ALK: variants seen among roughly 807,000 people sequenced by gnomAD.
The protein encoded by ALK is ALK tyrosine kinase receptor.
A neutral mutation model predicts 163.1 loss-of-function variants in ALK; 74 were observed. The ratio of observed to expected loss-of-function variants is 0.45; its 90% CI spans 0.38 to 0.55. The LOEUF is 0.55. Among genes scored for constraint, ALK ranks in the 20% least tolerant of loss-of-function variants. ALK has a pLI of 0.00. For missense variants in ALK, 2,063 were observed against 2,105.3 expected (o/e 0.98, Z 0.39); for synonymous variants, 960 against 843.2 (o/e 1.14, Z -2.40).
intron 1 of ALK, among the ~76,000 whole-genome samples, chr2:29,818,399 G>A (rs1247713601): frequency 6.6e-6 from 1 of 152,170 alleles, no homozygotes; most frequent in East Asian, 1.9e-4. Context: ...CGCTCTCTGG[G>A]CAGGCCAAAT....
chr2:29,281,225 C>T (rs1665710584), intron 9 of ALK, among the ~76,000 whole-genome samples: 1 of 152,174 alleles, frequency 6.6e-6, no homozygotes, highest in Non-Finnish European at 1.5e-5. Flanking sequence ...GCCAAGACTG[C>T]GAGGGACAGG....
chr2:29,315,881 G>A (rs751462689), intron 8 of ALK, among the ~76,000 whole-genome samples: 4 of 152,154 alleles, frequency 2.6e-5, no homozygotes, highest in Non-Finnish European at 2.9e-5. Context: ...ATCAGCCTCA[G>A]GGCTCAGCTG....
chr2:29,624,516 A>C (rs1676136528), intron 3 of ALK, among the ~76,000 whole-genome samples: 1 of 152,154 alleles, frequency 6.6e-6, no homozygotes, highest in Non-Finnish European at 1.5e-5. Context: ...AGCTGTTCCA[A>C]TGGAGCAAGG....
At chr2:29,560,645 C>T (rs1003628831) in intron 3 of ALK, among the ~76,000 whole-genome samples, 5 of 151,722 alleles carry the variant, frequency 3.3e-5, no homozygotes, top group African/African-American at 4.9e-5. Context: ...AATTTCGGCT[C>T]ACTGCAGCCT....
chr2:29,778,165 T>C (rs568681710), intron 1 of ALK, among the ~76,000 whole-genome samples: 21 of 152,316 alleles, frequency 1.4e-4, no homozygotes, highest in African/African-American at 4.8e-4. Flanking sequence ...TAAAATCATT[T>C]GCATTCACAG....
At chr2:29,396,836 G>GTTTTTTTTTGTTTTTTTT (rs1669319241) in intron 4 of ALK, among the ~76,000 whole-genome samples, 1 of 46,604 alleles carries the variant, frequency 2.1e-5, no homozygotes, top group Non-Finnish European at 3.5e-5. Flanking sequence ...TGTTACTATG[G>GTTTTTTTTTGTTTTTTTT]TTTTTTTTTT....
At chr2:29,453,396 A>AT (rs949487239) in intron 4 of ALK, among the ~76,000 whole-genome samples, 1,608 of 148,262 alleles carry the variant, frequency 0.011, 28 homozygotes, top group African/African-American at 0.033. Context: ...ATGCCTGGCA[A>AT]TTTTTTTTTT....
At chr2:29,509,771 G>A (rs1431126174) in intron 4 of ALK, among the ~76,000 whole-genome samples, 2 of 152,166 alleles carry the variant, frequency 1.3e-5, no homozygotes, top group Non-Finnish European at 2.9e-5. Flanking sequence ...CAATTATAGT[G>A]CAGACTTTGG....
chr2:29,499,143 C>G lies in ALK; in HGVS notation c.1154+32772G>C, dbSNP rs545376757. On this transcript the variant is annotated intron_variant, in intron 4 of 28. Coordinates refer to ENST00000389048, the MANE Select transcript of ALK (RefSeq NM_004304.5). ...TTCCCAAGATATACGTTCCTCACCCCGGTTTTGTGGCATTTGAGAATCCAA... is the reference window on the plus strand; with the variant it reads ...TTCCCAAGATATACGTTCCTCACCCGGGTTTTGTGGCATTTGAGAATCCAA... 3.9e-5 allele frequency among the ~76,000 whole-genome samples: 6 copies of G among 152,206 alleles called. No individual in the cohort carries two copies. The South Asian group carries it at 1.2e-3, about 32-fold the overall frequency.
At chr2:29,298,029 C>T (rs1666250203) in intron 8 of ALK, among the ~76,000 whole-genome samples, 1 of 152,228 alleles carries the variant, frequency 6.6e-6, no homozygotes, top group Admixed American at 6.5e-5. Flanking sequence ...TGTAAATTAC[C>T]ACTCCTTTGT....
intron 3 of ALK, among the ~76,000 whole-genome samples, chr2:29,587,429 A>G (rs922934413): frequency 2.2e-5 from 3 of 136,366 alleles, no homozygotes; most frequent in African/African-American, 7.3e-5. Flanking sequence ...TGCTATTCTG[A>G]GAGATCACTT....
intron 4 of ALK, among the ~76,000 whole-genome samples, chr2:29,434,730 G>GC: frequency 6.6e-6 from 1 of 152,244 alleles, no homozygotes; most frequent in South Asian, 2.1e-4. Context: ...GCATTGATCA[G>GC]CCCCCAACAT....
chr2:29,537,199 T>C (rs1673281578), intron 3 of ALK, among the ~76,000 whole-genome samples: 1 of 152,132 alleles, frequency 6.6e-6, no homozygotes, highest in African/African-American at 2.4e-5. Flanking sequence ...AGGGCTAATA[T>C]CCAAGACAAT....
intron 4 of ALK, among the ~76,000 whole-genome samples, chr2:29,508,583 T>A: frequency 6.6e-6 from 1 of 151,706 alleles, no homozygotes; most frequent in East Asian, 1.9e-4. Context: ...CATTAGGAGA[T>A]ATACCTAATG....
intron 3 of ALK, among the ~76,000 whole-genome samples, chr2:29,590,430 T>G (rs931829729): frequency 6.6e-6 from 1 of 152,194 alleles, no homozygotes; most frequent in Non-Finnish European, 1.5e-5. Context: ...TTTGCCAGAT[T>G]AAACTTTAGT....
intron 3 of ALK, among the ~76,000 whole-genome samples, chr2:29,534,164 T>G (rs1673190497): frequency 6.6e-6 from 1 of 151,968 alleles, no homozygotes; most frequent in African/African-American, 2.4e-5. Context: ...GAGCCAGATA[T>G]TTTGAGCAGG....
chr2:29,892,040 C>A (rs937770230), intron 1 of ALK, among the ~76,000 whole-genome samples: 2 of 152,194 alleles, frequency 1.3e-5, no homozygotes, highest in Non-Finnish European at 2.9e-5. Context: ...GAGGCACACC[C>A]TATTACTCTC....
intron 4 of ALK, among the ~76,000 whole-genome samples, chr2:29,474,353 T>C (rs751989202): frequency 3.2e-4 from 48 of 152,350 alleles, no homozygotes; most frequent in Non-Finnish European, 5.1e-4. Context: ...GGGCATAAGA[T>C]GGCTTCTTAC....
chr2:29,484,924 T>C (rs1415585645), intron 4 of ALK, among the ~76,000 whole-genome samples: 1 of 152,212 alleles, frequency 6.6e-6, no homozygotes, highest in Non-Finnish European at 1.5e-5. Context: ...TGATTATAGG[T>C]AATCCCTTTA....
Sources: allele counts gnomAD v4.1 joint callset (sites outside exome capture counted in the v4.1 genomes callset), GRCh38; gene constraint gnomAD v4.1.1; transcripts MANE v1.5; gene names NCBI Gene and HGNC (gene_info 2026-07-23, HGNC 2026-07-21).